Variants in LIN52 observed in about 807,000 individuals in gnomAD.
The protein encoded by LIN52 is protein lin-52 homolog.
A neutral mutation model predicts 18.5 loss-of-function variants in LIN52; 4 were observed. That is an observed-to-expected ratio of 0.22 (90% CI 0.11 to 0.49). The LOEUF is 0.49. LIN52 is among the 20% of genes least tolerant of loss of function. The pLI is 0.97. For missense variants in LIN52, 102 were observed against 139.5 expected (o/e 0.73, Z 1.35); for synonymous variants, 34 against 45.5 (o/e 0.75, Z 1.02).
intron 5 of LIN52, among the ~76,000 whole-genome samples, chr14:74,155,204 A>C (rs2061194367): frequency 6.6e-6 from 1 of 152,198 alleles, no homozygotes; most frequent in Admixed American, 6.5e-5. Flanking sequence ...CTAAAACCAA[A>C]ACACTCCTGC....
intron 5 of LIN52, among the ~76,000 whole-genome samples, chr14:74,116,522 C>G (rs190190665): frequency 2.0e-5 from 3 of 151,790 alleles, no homozygotes; most frequent in Admixed American, 2.0e-4. Flanking sequence ...CCTGGCCAAG[C>G]TGGTGAAACC....
At chr14:74,099,592 G>A (rs1190037541) in intron 4 of LIN52, among the ~76,000 whole-genome samples, 1 of 151,920 alleles carries the variant, frequency 6.6e-6, no homozygotes, top group Non-Finnish European at 1.5e-5. Flanking sequence ...GTCTTTGTGT[G>A]TGTGTGTGTG....
At chr14:74,135,477 G>A (rs1420743108) in intron 5 of LIN52, among the ~76,000 whole-genome samples, 2 of 152,162 alleles carry the variant, frequency 1.3e-5, no homozygotes, top group African/African-American at 2.4e-5. Context: ...AATATACTGA[G>A]CAATTAAGTT....
intron 5 of LIN52, among the ~76,000 whole-genome samples, chr14:74,116,685 G>T (rs1276760705): frequency 1.3e-5 from 2 of 151,390 alleles, no homozygotes; most frequent in Non-Finnish European, 2.9e-5. Flanking sequence ...CTCCAGCCTG[G>T]GTGACAGAGT....
chr14:74,112,150 G>A (rs187945830), intron 5 of LIN52, among the ~76,000 whole-genome samples: 5 of 152,268 alleles, frequency 3.3e-5, no homozygotes, highest in African/African-American at 1.2e-4. Flanking sequence ...AAAGTTCTGG[G>A]ATTACAGGCA....
intron 1 of LIN52, among the ~76,000 whole-genome samples, chr14:74,086,565 G>A (rs2060733558): frequency 6.6e-6 from 1 of 151,962 alleles, no homozygotes; most frequent in Non-Finnish European, 1.5e-5. Context: ...TGAGGCAAGA[G>A]AATCTCTTGA....
chr14:74,101,915 A>G (rs1362900824), intron 5 of LIN52, among the ~76,000 whole-genome samples: 5 of 152,130 alleles, frequency 3.3e-5, no homozygotes, highest in African/African-American at 1.2e-4. Context: ...TGGGACTACA[A>G]GCATGTACCA....
At chr14:74,132,556 T>C (rs879486069) in intron 5 of LIN52, among the ~76,000 whole-genome samples, 6 of 152,222 alleles carry the variant, frequency 3.9e-5, no homozygotes, top group Non-Finnish European at 5.9e-5. Flanking sequence ...GTCGCCAGGC[T>C]GGAGTGTAGT....
At chr14:74,123,807 C>A (rs148973966) in intron 5 of LIN52, among the ~76,000 whole-genome samples, 1 of 152,120 alleles carries the variant, frequency 6.6e-6, no homozygotes, top group African/African-American at 2.4e-5. Context: ...CTTCATCCCC[C>A]AGAGAAGCAC....
chr14:74,129,821 C>T (rs1411395121), intron 5 of LIN52, among the ~76,000 whole-genome samples: 3 of 152,160 alleles, frequency 2.0e-5, no homozygotes. Flanking sequence ...TTACTCCAGC[C>T]TGGGGGACAG....
intron 5 of LIN52, among the ~76,000 whole-genome samples, chr14:74,175,044 T>TA (rs71115966): frequency 6.7e-6 from 1 of 148,488 alleles, no homozygotes; most frequent in Non-Finnish European, 1.5e-5. Flanking sequence ...ATAATAATAA[T>TA]GTACACCTGT....
intron 5 of LIN52, among the ~76,000 whole-genome samples, chr14:74,180,868 G>A (rs1037912718): frequency 2.0e-5 from 3 of 152,040 alleles, no homozygotes; most frequent in African/African-American, 7.2e-5. Flanking sequence ...CGGTACTTTG[G>A]GAGGCTGAGG....
At chr14:74,198,879 AT>A in intron 5 of LIN52, 42 bp from the exon 6 acceptor site, 1 of 1,437,060 alleles carries the variant, frequency 7.0e-7, no homozygotes. Context: ...CTTTTTTCCG[AT>A]TTTAGGTTTT....
intron 2 of LIN52, among the ~76,000 whole-genome samples, chr14:74,091,716 G>A (rs2060773141): frequency 6.9e-6 from 1 of 144,734 alleles, no homozygotes; most frequent in African/African-American, 2.5e-5. Flanking sequence ...GGAGGCTGCA[G>A]TGAGCAGAGA....
chr14:74,086,249 T>C (rs957766395), intron 1 of LIN52, among the ~76,000 whole-genome samples: 1 of 152,214 alleles, frequency 6.6e-6, no homozygotes, highest in Non-Finnish European at 1.5e-5. Context: ...AGGTCTTTAA[T>C]TAACATTTAT....
intron 5 of LIN52, among the ~76,000 whole-genome samples, chr14:74,187,856 A>G (rs116945497): frequency 2.6e-5 from 4 of 152,324 alleles, no homozygotes; most frequent in Non-Finnish European, 5.9e-5. Flanking sequence ...AAGGCTCACA[A>G]TAACTCAGTA....
At chr14:74,165,650 A>C (rs1326430141) in intron 5 of LIN52, among the ~76,000 whole-genome samples, 2 of 151,558 alleles carry the variant, frequency 1.3e-5, no homozygotes, top group African/African-American at 4.9e-5. Flanking sequence ...CTGGGATTAC[A>C]GGCACATGCC....
At chr14:74,110,110 T>C (rs12147044) in intron 5 of LIN52, among the ~76,000 whole-genome samples, 22,278 of 152,148 alleles carry the variant, frequency 0.15, 2,175 homozygotes, top group East Asian at 0.58. Context: ...CTGAATATAT[T>C]ACCTTCTAAA....
chr14:74,166,979 G>A (rs2061252245), intron 5 of LIN52, among the ~76,000 whole-genome samples: 1 of 152,094 alleles, frequency 6.6e-6, no homozygotes, highest in Non-Finnish European at 1.5e-5. Flanking sequence ...CAGGTGGCCT[G>A]TCAGGAGAGC....
Sources: gnomAD v4.1 joint callset for allele counts (sites outside exome capture counted in the v4.1 genomes callset) on GRCh38, gnomAD v4.1.1 for gene constraint, MANE v1.5 for transcripts, NCBI Gene and HGNC (gene_info 2026-07-23, HGNC 2026-07-21) for gene names.